REPS1: variants seen among roughly 807,000 people sequenced by gnomAD.
REPS1 encodes RALBP1 associated Eps domain containing 1, also known as ralBP1-associated Eps domain-containing protein 1.
REPS1 carries 39 observed loss-of-function variants against 100.9 expected under a neutral mutation model. The ratio of observed to expected loss-of-function variants is 0.39; its 90% CI spans 0.30 to 0.50. REPS1 has a LOEUF of 0.50. REPS1 is among the 20% of genes least tolerant of loss of function. The probability of loss-of-function intolerance (pLI) is 0.86; values close to 1 mark genes in which losing one functional copy is unlikely to be tolerated. For synonymous variants in REPS1, 324 were observed against 340.3 expected (o/e 0.95, Z 0.53); for missense variants, 821 against 968.5 (o/e 0.85, Z 2.02).
At chr6:138,935,867 G>GGGGGGGGGGGGGGT (rs1781793001) in intron 8 of REPS1, among the ~76,000 whole-genome samples, 1 of 53,810 alleles carries the variant, frequency 1.9e-5, no homozygotes, top group Non-Finnish European at 3.6e-5. Flanking sequence ...GGGGGGGGGG[G>GGGGGGGGGGGGGGT]GCGCGGGGGA....
chr6:138,921,734 T>C (rs1469436747), intron 10 of REPS1, among the ~76,000 whole-genome samples: 3 of 151,958 alleles, frequency 2.0e-5, no homozygotes, highest in African/African-American at 7.3e-5. Flanking sequence ...CCTGCCACCA[T>C]GCCCGGCTAA....
At chr6:138,975,320 A>C (rs73564727) in intron 1 of REPS1, among the ~76,000 whole-genome samples, 13,399 of 152,254 alleles carry the variant, frequency 0.088, 1,235 homozygotes, top group African/African-American at 0.23. Flanking sequence ...CAAGAGAGCA[A>C]ACCCTCAAAT....
intron 10 of REPS1, among the ~76,000 whole-genome samples, chr6:138,921,399 C>A (rs529276090): frequency 6.6e-6 from 1 of 151,600 alleles, no homozygotes; most frequent in Non-Finnish European, 1.5e-5. Flanking sequence ...GACGCTCACA[C>A]CTGTAATGCC....
At chr6:138,954,180 G>A (rs1783228598) in intron 1 of REPS1, among the ~76,000 whole-genome samples, 1 of 151,978 alleles carries the variant, frequency 6.6e-6, no homozygotes, top group Non-Finnish European at 1.5e-5. Flanking sequence ...GCTACGAAGG[G>A]TAGACAAAGG....
At chr6:138,939,282 A>T (rs1415821549) in intron 8 of REPS1, among the ~76,000 whole-genome samples, 2 of 110,558 alleles carry the variant, frequency 1.8e-5, no homozygotes, top group African/African-American at 7.1e-5. Context: ...GTGAGGGGGG[A>T]AAAAACTATC....
intron 15 of REPS1, among the ~76,000 whole-genome samples, chr6:138,913,452 C>T (rs750827161): frequency 2.6e-5 from 4 of 152,168 alleles, no homozygotes; most frequent in Admixed American, 6.5e-5. Context: ...CAGACCAATG[C>T]TGCTCCATCT....
chr6:138,941,041 C>T (rs113333325), intron 8 of REPS1, among the ~76,000 whole-genome samples: 1 of 152,076 alleles, frequency 6.6e-6, no homozygotes, highest in African/African-American at 2.4e-5. Context: ...ATATATATCA[C>T]AATTAAAGGA....
rs2128473892 is a variant in REPS1 at position 138,943,869 on chromosome 6, T to C, written c.900A>G (p.Leu300=). The C allele has an allele frequency of 6.2e-7, 1 of 1,613,322 alleles. No individual in the cohort carries two copies. The highest frequency in any genetic ancestry group is 1.7e-5 in the Admixed American group (1 of 59,970). ...ACAACTCACCTGGAATAAATCCGTTTAGATCAGGCTGAATGGTTTTAAACT... is the reference window on the plus strand; with the variant it reads ...ACAACTCACCTGGAATAAATCCGTTCAGATCAGGCTGAATGGTTTTAAACT... ...VNQFKTIQPD[L]NGFIPGSAAK... is the part of the protein sequence containing the mutation. Residue 300 remains leucine, a synonymous_variant, in exon 6 of 20, where the codon CTA becomes CTG. Coordinates refer to ENST00000450536, the MANE Select transcript of REPS1 (RefSeq NM_001286611.2).
chr6:138,964,373 T>C (rs1783901700), intron 1 of REPS1, among the ~76,000 whole-genome samples: 1 of 152,176 alleles, frequency 6.6e-6, no homozygotes. Context: ...GATGTTGACG[T>C]AATGATGTCC....
rs116202767 is a variant in REPS1 at position 138,976,920 on chromosome 6, A to C, written c.153+10610T>G. Among the ~76,000 whole-genome samples the C allele has an allele frequency of 3.1e-3, 468 of 152,352 alleles. 4 individuals carry two copies. The highest frequency in any genetic ancestry group is 0.01 in the African/African-American group (436 of 41,574). On this transcript the variant is annotated intron_variant, in intron 1 of 19. Transcript: ENST00000450536. ...ATCTATCAGTACATCATCTTTCAAAATTTAAATCCTTTATCAAAATGCCAG... is the reference window on the plus strand; with the variant it reads ...ATCTATCAGTACATCATCTTTCAAACTTTAAATCCTTTATCAAAATGCCAG...
intron 15 of REPS1, 144 bp from the exon 16 acceptor site, chr6:138,913,094 AT>A: frequency 1.7e-6 from 1 of 573,144 alleles, no homozygotes; most frequent in Admixed American, 3.7e-5. Context: ...TTATAGTAAC[AT>A]TTAGCTCTAA....
At chr6:138,954,502 T>TA (rs34061496) in intron 1 of REPS1, among the ~76,000 whole-genome samples, 64,359 of 134,500 alleles carry the variant, frequency 0.48, 16,363 homozygotes, top group East Asian at 0.83. Flanking sequence ...ATGATGAGCT[T>TA]AAAAAAAAAA....
At chr6:138,940,999 A>T (rs1782212580) in intron 8 of REPS1, among the ~76,000 whole-genome samples, 1 of 152,200 alleles carries the variant, frequency 6.6e-6, no homozygotes, top group Non-Finnish European at 1.5e-5. Context: ...AATGTTTATA[A>T]TGAAGATGGG....
At chr6:138,939,017 T>C (rs1243161871) in intron 8 of REPS1, among the ~76,000 whole-genome samples, 2 of 152,048 alleles carry the variant, frequency 1.3e-5, no homozygotes, top group Non-Finnish European at 2.9e-5. Flanking sequence ...CCTGCTAATT[T>C]TTTTTATAAT....
chr6:138,921,103 C>G lies in REPS1; in HGVS notation c.1360G>C (p.Val454Leu). Reference sequence around the variant, plus strand: ...TTGCTTGGAGTCATACGAATGGGAACTGGATGAACAATAGCAGTATCCTAG... The same window carrying G: ...TTGCTTGGAGTCATACGAATGGGAAGTGGATGAACAATAGCAGTATCCTAG... The part of the protein sequence containing the change: ...ADPDTAIVHP[V>L]PIRMTPSKIH... Residue 454 changes from valine to leucine, a missense_variant, in exon 11 of 20, where the codon GTT (valine) becomes CTT (leucine). By Grantham distance (32) the Val-to-Leu change is conservative (BLOSUM62 1). Around this residue, in one of 3 missense-constraint regions of REPS1, gnomAD observed 757 missense variants for 866.4 expected, o/e 0.87. Coordinates refer to ENST00000450536, the MANE Select transcript of REPS1 (RefSeq NM_001286611.2). 1.2e-6 allele frequency: 2 copies of G among 1,610,272 alleles called. No individual in the cohort carries two copies.
At chr6:138,917,091 C>A (rs376384029) in intron 13 of REPS1, among the ~76,000 whole-genome samples, 1 of 152,160 alleles carries the variant, frequency 6.6e-6, no homozygotes, top group Non-Finnish European at 1.5e-5. Context: ...CCCTTGCAGA[C>A]AAATCTCTAG....
chr6:138,905,995 C>T (rs181436526), intron 19 of REPS1, among the ~76,000 whole-genome samples: 57 of 152,270 alleles, frequency 3.7e-4, no homozygotes, highest in Admixed American at 2.2e-3. Context: ...CTATTTTGTA[C>T]CTTACTTCCC....
intron 8 of REPS1, among the ~76,000 whole-genome samples, chr6:138,940,525 T>C (rs974813795): frequency 1.3e-5 from 2 of 152,092 alleles, no homozygotes; most frequent in South Asian, 4.2e-4. Flanking sequence ...GGCGGGCAGA[T>C]CATGAGGTCA....
At chr6:138,909,980 G>C (rs1779901257) in intron 17 of REPS1, among the ~76,000 whole-genome samples, 2 of 152,132 alleles carry the variant, frequency 1.3e-5, no homozygotes, top group African/African-American at 4.8e-5. Flanking sequence ...TTCCCTCAAA[G>C]GGAAAGTGTG....
Sources: allele counts gnomAD v4.1 joint callset (sites outside exome capture counted in the v4.1 genomes callset), GRCh38; gene constraint gnomAD v4.1.1; regional missense constraint gnomAD v4.1.1; transcripts MANE v1.5; gene names NCBI Gene and HGNC (gene_info 2026-07-23, HGNC 2026-07-21).